The following VRK1 variants were observed in gnomAD, a reference collection of about 807,000 sequenced individuals.
The protein encoded by VRK1 is VRK serine/threonine kinase 1.
In VRK1, 33 loss-of-function variants were observed where a neutral mutation model predicts 57.1. That is an observed-to-expected ratio of 0.58 (90% CI 0.44 to 0.77). VRK1 has a LOEUF of 0.77. Ranked by LOEUF, VRK1 falls within the 30% of genes least tolerant of loss-of-function variation. The pLI is 0.00. For synonymous variants in VRK1, 137 were observed against 147.8 expected (o/e 0.93, Z 0.53); for missense variants, 413 against 477.3 (o/e 0.87, Z 1.25).
At chr14:96,857,254 G>C (rs1888200371) in intron 10 of VRK1, among the ~76,000 whole-genome samples, 1 of 151,982 alleles carries the variant, frequency 6.6e-6, no homozygotes, top group Non-Finnish European at 1.5e-5. Context: ...ACAGGGAATA[G>C]AATTAGGGGG....
At chr14:96,858,769 T>C (rs528972250) in intron 10 of VRK1, 5 of 152,438 alleles carry the variant, frequency 3.3e-5, no homozygotes, top group African/African-American at 1.2e-4. Flanking sequence ...CACACTGTCT[T>C]AGTTACTGTA....
At chr14:96,872,429 A>T (rs1385922454) in intron 11 of VRK1, among the ~76,000 whole-genome samples, 2 of 152,338 alleles carry the variant, frequency 1.3e-5, no homozygotes, top group African/African-American at 4.8e-5. Context: ...CCTTGCCCTC[A>T]GGGAACATAC....
In VRK1 at chr14:96,833,610, G is replaced by A. The variant is rs1306186763; in HGVS notation, c.139G>A (p.Gly47Ser). 1.2e-6 allele frequency: 2 copies of A among 1,613,596 alleles called. No homozygotes were observed. Among genetic ancestry groups the A allele is most frequent in the Non-Finnish European group, 1.7e-6 (2 of 1,179,700 alleles). ...WKVGLPIGQG[G>S]FGCIYLADMN... ...AGTAGGATTACCCATTGGCCAAGGAGGCTTTGGCTGTATATATCTTGGTAA... is the reference window on the plus strand; with the variant it reads ...AGTAGGATTACCCATTGGCCAAGGAAGCTTTGGCTGTATATATCTTGGTAA... The change falls in exon 2 of 13, where the codon GGC (glycine) becomes AGC (serine). Residue 47 changes from glycine (G) to serine (S), a missense_variant. Around this residue, in one of 3 missense-constraint regions of VRK1, gnomAD observed 116 missense variants for 113.6 expected, o/e 1.02. Coordinates refer to ENST00000216639, the MANE Select transcript of VRK1 (RefSeq NM_003384.3).
chr14:96,858,722 C>T (rs1173194464), intron 10 of VRK1, among the ~76,000 whole-genome samples: 2 of 151,822 alleles, frequency 1.3e-5, no homozygotes, highest in Non-Finnish European at 2.9e-5. Context: ...TTTCTGGACT[C>T]TCTTTTTTCA....
chr14:96,811,491 T>C (rs1467177939), intron 1 of VRK1, among the ~76,000 whole-genome samples: 3 of 152,234 alleles, frequency 2.0e-5, no homozygotes, highest in Non-Finnish European at 2.9e-5. Context: ...GATCAGTGAG[T>C]TGTAGTCTTG....
At chr14:96,842,948 G>C (rs998205743) in intron 3 of VRK1, among the ~76,000 whole-genome samples, 6 of 152,172 alleles carry the variant, frequency 3.9e-5, no homozygotes, top group African/African-American at 9.6e-5. Flanking sequence ...TCAAAAAGTT[G>C]GTTATTGCTG....
intron 5 of VRK1, among the ~76,000 whole-genome samples, chr14:96,848,097 A>G (rs1366247669): frequency 6.6e-6 from 1 of 152,174 alleles, no homozygotes; most frequent in Non-Finnish European, 1.5e-5. Context: ...AGCTGCAAGT[A>G]AAGGAAAACT....
At chr14:96,847,649 C>T (rs1220842730) in intron 5 of VRK1, among the ~76,000 whole-genome samples, 1 of 152,058 alleles carries the variant, frequency 6.6e-6, no homozygotes, top group Non-Finnish European at 1.5e-5. Context: ...CCTTTTTTTC[C>T]TCCTTGCCTT....
chr14:96,873,421 T>G (rs1298478289), intron 11 of VRK1, among the ~76,000 whole-genome samples: 1 of 152,230 alleles, frequency 6.6e-6, no homozygotes, highest in East Asian at 1.9e-4. Flanking sequence ...ATATATATGC[T>G]GGTGCCCTTT....
At chr14:96,834,913 AT>A in intron 2 of VRK1, among the ~76,000 whole-genome samples, 1 of 152,192 alleles carries the variant, frequency 6.6e-6, no homozygotes, top group East Asian at 1.9e-4. Context: ...ATGTGGACTT[AT>A]GCCATCCTGT....
chr14:96,847,525 C>G (rs576801733), intron 5 of VRK1, among the ~76,000 whole-genome samples, 181 bp downstream of exon 5: 25 of 152,294 alleles, frequency 1.6e-4, no homozygotes, highest in Non-Finnish European at 3.4e-4. Flanking sequence ...TCCATAGCAG[C>G]AGGCTATGAT....
intron 1 of VRK1, among the ~76,000 whole-genome samples, chr14:96,819,034 A>G (rs1263040159): frequency 1.3e-5 from 2 of 152,178 alleles, no homozygotes; most frequent in Non-Finnish European, 2.9e-5. Flanking sequence ...TTGCTTTCAA[A>G]TTGTTCCTGA....
intron 1 of VRK1, among the ~76,000 whole-genome samples, chr14:96,815,008 C>T (rs1041392352): frequency 6.6e-6 from 1 of 152,084 alleles, no homozygotes; most frequent in Non-Finnish European, 1.5e-5. Flanking sequence ...TTTGACAGTA[C>T]GTGAGTATCC....
chr14:96,814,909 G>A (rs1041708340), intron 1 of VRK1, among the ~76,000 whole-genome samples: 5 of 152,162 alleles, frequency 3.3e-5, no homozygotes, highest in South Asian at 4.2e-4. Context: ...AAGTAATTGC[G>A]GTCCAACCTA....
chr14:96,862,845 G>A (rs756076658), intron 11 of VRK1, among the ~76,000 whole-genome samples: 12 of 151,848 alleles, frequency 7.9e-5, no homozygotes, highest in African/African-American at 2.4e-4. Context: ...CTCTCTTTTC[G>A]TTTGTCATAA....
At chr14:96,831,702 A>G (rs1440371351) in intron 1 of VRK1, among the ~76,000 whole-genome samples, 1 of 152,182 alleles carries the variant, frequency 6.6e-6, no homozygotes, top group Non-Finnish European at 1.5e-5. Flanking sequence ...TCCAGTCACT[A>G]TTTTGAGATA....
At chr14:96,833,770 G>A in intron 2 of VRK1, 139 bp downstream of exon 2, 1 of 1,256,010 alleles carries the variant, frequency 8.0e-7, no homozygotes, top group South Asian at 1.3e-5. Flanking sequence ...AAGCAAAAAT[G>A]CATCTCTGAC....
rs1887089644 is a variant in VRK1 at position 96,833,455 on chromosome 14, T to C, written c.-5-12T>C. On this transcript the variant is annotated splice_polypyrimidine_tract_variant and intron_variant, in intron 1 of 12. Coordinates refer to ENST00000216639, the MANE Select transcript of VRK1 (RefSeq NM_003384.3). The stretch of plus-strand genomic sequence containing the variant: ...ATTAGAATTCTGACCATTTCTTTGT[T>C]TTATGTTATAGTGAAAATGCCTCGT... 1 of 1,612,984 alleles carries C rather than the reference T, an allele frequency of 6.2e-7. No homozygotes were observed. The highest frequency in any genetic ancestry group is 1.3e-5 in the African/African-American group (1 of 74,878).
intron 5 of VRK1, among the ~76,000 whole-genome samples, chr14:96,848,110 G>A (rs1887786815): frequency 6.6e-6 from 1 of 152,120 alleles, no homozygotes; most frequent in South Asian, 2.1e-4. Context: ...GGAAAACTTT[G>A]ACTCAGGCAG....
Sources: allele counts gnomAD v4.1 joint callset (sites outside exome capture counted in the v4.1 genomes callset), GRCh38; gene constraint gnomAD v4.1.1; regional missense constraint gnomAD v4.1.1; transcripts MANE v1.5; gene names NCBI Gene and HGNC (gene_info 2026-07-23, HGNC 2026-07-21).